The following ZNF619 variants were observed in gnomAD, a reference collection of about 807,000 sequenced individuals.
ZNF619 encodes the protein zinc finger protein 619.
In ZNF619, 9 loss-of-function variants were observed where a neutral mutation model predicts 14.2. The ratio of observed to expected loss-of-function variants is 0.64; its 90% CI spans 0.38 to 1.11. The LOEUF is 1.11. Ranked by LOEUF, ZNF619 falls within the 50% of genes least tolerant of loss-of-function variation. ZNF619 has a pLI of 0.01. For synonymous variants in ZNF619, 246 were observed against 252.8 expected, an observed-to-expected ratio of 0.97 and a Z score of 0.26; for missense variants, 659 against 680.1, an observed-to-expected ratio of 0.97 and a Z score of 0.34.
rs1697705145 is a variant in ZNF619, at chr3:40,488,244, C to T, written c.*3C>T. On this transcript the variant is annotated 3_prime_UTR_variant, in exon 5 of 5. Coordinates refer to ENST00000432264, the MANE Select transcript of ZNF619 (RefSeq NM_001145093.4). Reference sequence around the variant, plus strand: ...ATCCTTTGTCTCACTCCCTGTAAGCCCCGTCACGTTCTCAAAATCCTTTGC... The same window carrying T: ...ATCCTTTGTCTCACTCCCTGTAAGCTCCGTCACGTTCTCAAAATCCTTTGC... 6.3e-6 allele frequency: 9 copies of T among 1,434,560 alleles called. No individual in the cohort carries two copies. Among genetic ancestry groups the T allele is most frequent in the Middle Eastern group, 1.8e-4 (1 of 5,566 alleles). The allele number at this position is 1,434,560 out of a possible 1,614,324, so 88.9% of individuals were successfully genotyped here.
In ZNF619 at chr3:40,487,717, A is replaced by G. The variant is rs761302109; in HGVS notation, c.1207A>G (p.Asn403Asp). Residue 403 changes from asparagine to aspartate, a missense_variant, in exon 5 of 5, where the codon AAT becomes GAT. By Grantham distance (23) the Asn-to-Asp change is conservative. Coordinates refer to ENST00000432264, the MANE Select transcript of ZNF619 (RefSeq NM_001145093.4). Reference protein sequence around the residue: ...FHTGEQLYKCNECWKTFSCSS... With the variant: ...FHTGEQLYKCDECWKTFSCSS... ...CACTGGGGAACAACTCTACAAATGT[A>G]ATGAATGTTGGAAAACTTTCAGCTG... The G allele has an allele frequency of 6.2e-7, 1 of 1,614,168 alleles. No homozygotes were observed. The highest frequency in any genetic ancestry group is 8.5e-7 in the Non-Finnish European group (1 of 1,180,032).
chr3:40,487,660 A>C lies in ZNF619; in HGVS notation c.1150A>C (p.Ser384Arg), dbSNP rs779791342. 1 of 1,614,050 alleles carries C rather than the reference A, an allele frequency of 6.2e-7. No individual in the cohort carries two copies. The part of the protein sequence containing the change: ...CKECGKAFHR[S>R]SVFLQHQRFH... The stretch of plus-strand genomic sequence containing the variant: ...AGAGTGTGGCAAGGCCTTCCACCGC[A>C]GTTCGGTATTTCTTCAGCACCAGAG... Residue 384 changes from serine (S) to arginine (R), a missense_variant, in exon 5 of 5, where the codon AGT becomes CGT. Coordinates refer to ENST00000432264, the MANE Select transcript of ZNF619 (RefSeq NM_001145093.4).
chr3:40,485,208 A>G (rs773791432), intron 4 of ZNF619, among the ~76,000 whole-genome samples: 10 of 152,326 alleles, frequency 6.6e-5, no homozygotes, highest in South Asian at 2.1e-4. Flanking sequence ...GTTGCAACTC[A>G]TCAATGAGTT....
intron 2 of ZNF619, among the ~76,000 whole-genome samples, chr3:40,479,276 C>T (rs1263518730): frequency 6.6e-6 from 1 of 152,190 alleles, no homozygotes; most frequent in Non-Finnish European, 1.5e-5. Flanking sequence ...ACTTGCATTT[C>T]ATTGGCCCCA....
At chr3:40,482,376 A>G (rs1354576941) in intron 3 of ZNF619, 1 of 1,575,178 alleles carries the variant, frequency 6.3e-7, no homozygotes, top group Admixed American at 1.9e-5. Context: ...CCTCGTGTAC[A>G]CACCCCCCAG....
At chr3:40,477,862 A>G in intron 1 of ZNF619, 56 bp from the exon 2 acceptor site, 2 of 913,404 alleles carry the variant, frequency 2.2e-6, no homozygotes, top group East Asian at 5.3e-5. Flanking sequence ...ACAGAGGGGA[A>G]GAGGCGGCAA....
rs768000125 is a variant in ZNF619, at chr3:40,482,001, A to T, written c.163A>T (p.Asn55Tyr). 6.2e-7 allele frequency: 1 copy of T among 1,600,198 alleles called. No individual in the cohort carries two copies. Among genetic ancestry groups the T allele is most frequent in the Non-Finnish European group, 8.5e-7 (1 of 1,175,210 alleles). ...YREVMLENYA[N>Y]VTSLSAFPFP... The stretch of plus-strand genomic sequence containing the variant: ...GGAGGTGATGCTGGAGAATTATGCA[A>T]ATGTGACTTCCTTGTGTAAGTCCTC... The change falls in exon 3 of 5, where the codon AAT becomes TAT. Residue 55 changes from asparagine to tyrosine, a missense_variant. By Grantham distance (143) the Asn-to-Tyr change is moderately radical. Coordinates refer to ENST00000432264, the MANE Select transcript of ZNF619 (RefSeq NM_001145093.4).
chr3:40,483,624 T>C (rs1361073628), intron 4 of ZNF619: 2 of 451,536 alleles, frequency 4.4e-6, no homozygotes, highest in East Asian at 1.4e-4. Flanking sequence ...GATTTATTTA[T>C]TTATTTGTTT....
At chr3:40,486,357 C>G (rs1460938879) in intron 4 of ZNF619, among the ~76,000 whole-genome samples, 1 of 152,182 alleles carries the variant, frequency 6.6e-6, no homozygotes, top group Non-Finnish European at 1.5e-5. Flanking sequence ...TTACTTTCCC[C>G]TTGAGGTACC....
chr3:40,483,749 C>T, intron 4 of ZNF619: 1 of 393,760 alleles, frequency 2.5e-6, no homozygotes, highest in South Asian at 1.8e-5. Context: ...CTGCCTCAAC[C>T]TCCCAAGTAG....
Position 40,490,453 on chromosome 3 carries a change from A to T in ZNF619, c.*2212A>T, listed in dbSNP as rs1575277368. Among the ~76,000 whole-genome samples, 1 of 152,292 alleles carries T rather than the reference A, an allele frequency of 6.6e-6. No individual in the cohort carries two copies. Among genetic ancestry groups the T allele is most frequent in the African/African-American group, 2.4e-5 (1 of 41,566 alleles). On this transcript the variant is annotated 3_prime_UTR_variant, in exon 5 of 5. Coordinates refer to ENST00000432264, the MANE Select transcript of ZNF619 (RefSeq NM_001145093.4). The stretch of plus-strand genomic sequence containing the variant: ...AAGGGTGATTTTGGCCAAGGCTTAG[A>T]AGAGAAGACTAGGGAAAGTCTGAAC...
Position 40,488,412 on chromosome 3 carries a change from C to T in ZNF619, c.*171C>T. 3.5e-6 allele frequency: 2 copies of T among 577,042 alleles called. No individual in the cohort carries two copies. The highest frequency in any genetic ancestry group is 3.4e-4 in the Middle Eastern group (1 of 2,972). 35.7% of individuals were successfully genotyped at this position (577,042 alleles called of 1,614,324 possible). ...ACCATGTTTGATTAGTTTCTTTTATCCCCCGGTAGGAAATGGCAGTACTTA... is the reference window on the plus strand; with the variant it reads ...ACCATGTTTGATTAGTTTCTTTTATTCCCCGGTAGGAAATGGCAGTACTTA... On this transcript the variant is annotated 3_prime_UTR_variant, in exon 5 of 5. Transcript: ENST00000432264.
Position 40,488,129 on chromosome 3 carries a change from C to T in ZNF619, c.1619C>T (p.Ser540Leu), listed in dbSNP as rs756413536. The change falls in exon 5 of 5, where the codon TCA becomes TTA. Residue 540 changes from serine (S) to leucine (L), a missense_variant. Transcript: ENST00000432264. Reference protein sequence around the residue: ...PSVPFFLLLPSSEKANPSPVQ... With the variant: ...PSVPFFLLLPLSEKANPSPVQ... ...GTGCCTTTCTTCCTGCTGCTTCCCT[C>T]ATCTGAAAAGGCCAACCCTTCACCT... The T allele has an allele frequency of 3.1e-6, 5 of 1,614,024 alleles. No individual in the cohort carries two copies. In the East Asian group the frequency reaches 1.1e-4, roughly 36 times the overall value.
intron 4 of ZNF619, among the ~76,000 whole-genome samples, chr3:40,483,435 C>T (rs772578220): frequency 2.6e-5 from 4 of 151,560 alleles, no homozygotes; most frequent in African/African-American, 7.3e-5. Context: ...GGACTACATG[C>T]GCGTGCCACC....
chr3:40,481,846 C>A lies in ZNF619; in HGVS notation c.25-17C>A. 6.3e-7 allele frequency: 1 copy of A among 1,590,216 alleles called. No individual in the cohort carries two copies. On this transcript the variant is annotated splice_polypyrimidine_tract_variant and intron_variant, in intron 2 of 4. Coordinates refer to ENST00000432264, the MANE Select transcript of ZNF619 (RefSeq NM_001145093.4). Reference sequence around the variant, plus strand: ...CCCTTTCCTGGAATTCAGGCCTCTCCCTCTGTTCTTGTGCAGGGCTTGGGC... The same window carrying A: ...CCCTTTCCTGGAATTCAGGCCTCTCACTCTGTTCTTGTGCAGGGCTTGGGC...
Position 40,487,094 on chromosome 3 carries a change from AG to A in ZNF619, c.587del (p.Gly196ValfsTer108). ...GTCAGCACACATCTCATTACAAAGCAGGGTTTTGCCAAAGAACAGGTGTTTT... is the reference window on the plus strand; with the variant it reads ...GTCAGCACACATCTCATTACAAAGCAGGTTTTGCCAAAGAACAGGTGTTTT... ...SSVSTHLITK[Q>X]GFAKEQVFYK... On this transcript the variant is annotated frameshift_variant, in exon 5 of 5. Transcript: ENST00000432264. LOFTEE classifies it low-confidence loss of function (END_TRUNC). 6.2e-7 allele frequency: 1 copy of A among 1,614,152 alleles called. No individual in the cohort carries two copies. The highest frequency in any genetic ancestry group is 8.5e-7 in the Non-Finnish European group (1 of 1,180,052).
rs1376663984 is a variant in ZNF619 at position 40,490,275 on chromosome 3, TAACAAGACAG to T, written c.*2037_*2046del. The T allele has an allele frequency of 2.0e-5, 3 of 152,174 alleles. No individual in the cohort carries two copies. The allele number at this position is 152,174 out of a possible 1,614,324, so 9.4% of individuals were successfully genotyped here. On this transcript the variant is annotated 3_prime_UTR_variant, in exon 5 of 5. Transcript: ENST00000432264. ...TATTCAGTTAGAGCCACACAAAATG[TAACAAGACAG>T]AATATTGATAGCCATAAGTAGGTTT...
At chr3:40,480,499 CTT>C (rs36016449) in intron 2 of ZNF619, among the ~76,000 whole-genome samples, 10 of 133,018 alleles carry the variant, frequency 7.5e-5, no homozygotes, top group Non-Finnish European at 9.4e-5. Context: ...CTGCATAGTA[CTT>C]TTTTTTTTTT....
Position 40,487,198 on chromosome 3 carries a change from A to G in ZNF619, c.688A>G (p.Lys230Glu). Residue 230 changes from lysine to glutamate, a missense_variant, in exon 5 of 5, where the codon AAG becomes GAG. Transcript: ENST00000432264. ...HLHQRVHTNE[K>E]PYTCKECGKT... The stretch of plus-strand genomic sequence containing the variant: ...GCATCAGAGAGTTCACACTAATGAG[A>G]AGCCCTACACATGCAAAGAATGTGG... 1.2e-6 allele frequency: 2 copies of G among 1,614,210 alleles called. No homozygotes were observed. The highest frequency in any genetic ancestry group is 1.7e-6 in the Non-Finnish European group (2 of 1,180,038).
Sources: gnomAD v4.1 joint callset for allele counts (sites outside exome capture counted in the v4.1 genomes callset) on GRCh38, gnomAD v4.1.1 for gene constraint, MANE v1.5 for transcripts, NCBI Gene and HGNC (gene_info 2026-07-23, HGNC 2026-07-21) for gene names.